CTNNA3: variants seen among roughly 807,000 people sequenced by gnomAD.
CTNNA3 encodes catenin alpha-3.
Under a neutral mutation model 95.7 loss-of-function variants are expected in CTNNA3, and 76 were observed. The ratio of observed to expected loss-of-function variants is 0.79; its 90% CI spans 0.66 to 0.96. CTNNA3 has a LOEUF of 0.96. CTNNA3 is among the 40% of genes least tolerant of loss of function. The probability of loss-of-function intolerance (pLI) is 0.00; values close to 1 mark genes in which losing one functional copy is unlikely to be tolerated. For missense variants in CTNNA3, 1,191 were observed against 1,089.8 expected (o/e 1.09, Z -1.31); for synonymous variants, 431 against 374.4 (o/e 1.15, Z -1.74).
At chr10:66,146,305 T>C (rs1241358433) in intron 13 of CTNNA3, among the ~76,000 whole-genome samples, 4 of 151,994 alleles carry the variant, frequency 2.6e-5, no homozygotes, top group Admixed American at 2.0e-4. Flanking sequence ...AATACAACAG[T>C]GTAAATCTAA....
At chr10:66,946,507 C>T (rs1235238468) in intron 7 of CTNNA3, among the ~76,000 whole-genome samples, 4 of 152,094 alleles carry the variant, frequency 2.6e-5, no homozygotes, top group African/African-American at 7.2e-5. Context: ...CAGAACACAT[C>T]AGCAGTGTTT....
intron 5 of CTNNA3, among the ~76,000 whole-genome samples, chr10:67,348,997 C>A (rs1842537082): frequency 6.6e-6 from 1 of 152,042 alleles, no homozygotes; most frequent in African/African-American, 2.4e-5. Context: ...CAAATCACAA[C>A]CACAATGAGA....
At chr10:67,089,951 A>T (rs1857532761) in intron 7 of CTNNA3, among the ~76,000 whole-genome samples, 1 of 152,088 alleles carries the variant, frequency 6.6e-6, no homozygotes, top group Admixed American at 6.6e-5. Context: ...TTACATAAAG[A>T]AAAAATTCAA....
chr10:67,157,505 A>G (rs1452823611), intron 7 of CTNNA3, among the ~76,000 whole-genome samples: 1 of 152,174 alleles, frequency 6.6e-6, no homozygotes, highest in Non-Finnish European at 1.5e-5. Flanking sequence ...AAAGGAGAAC[A>G]CATATCTCTG....
At chr10:66,299,176 T>A (rs1159840980) in intron 12 of CTNNA3, among the ~76,000 whole-genome samples, 1 of 152,120 alleles carries the variant, frequency 6.6e-6, no homozygotes, top group Non-Finnish European at 1.5e-5. Flanking sequence ...ATGTCTCGTA[T>A]CTCACTAAAA....
At chr10:67,014,120 C>T (rs927684994) in intron 7 of CTNNA3, among the ~76,000 whole-genome samples, 21 of 152,134 alleles carry the variant, frequency 1.4e-4, no homozygotes, top group Non-Finnish European at 7.4e-5. Context: ...TTGTAGAAGT[C>T]GATCACTATT....
Position 67,458,875 on chromosome 10 carries a change from TG to T in CTNNA3, c.579+62966del. Among the ~76,000 whole-genome samples the T allele has an allele frequency of 4.6e-5, 7 of 150,580 alleles. No individual in the cohort carries two copies. In the East Asian group the frequency reaches 1.2e-3, roughly 25 times the overall value. The stretch of plus-strand genomic sequence containing the variant: ...ATTACAATTCAAGATGAGATTTGGG[TG>T]GGGACAAAAAGTGAAACCATATCAA... On this transcript the variant is annotated intron_variant, in intron 5 of 17. Coordinates refer to ENST00000433211, the MANE Select transcript of CTNNA3 (RefSeq NM_013266.4).
At position 67,332,104 on chromosome 10, in the gene CTNNA3, G is replaced by A. The variant is rs115705893; in HGVS notation, c.580-112234C>T. The stretch of plus-strand genomic sequence containing the variant: ...GTGATTAAGTCTAGAAAAATAAAAG[G>A]AAGAAAAGTGCATTAGTCTAATGAG... On this transcript the variant is annotated intron_variant, in intron 5 of 17. Coordinates refer to ENST00000433211, the MANE Select transcript of CTNNA3 (RefSeq NM_013266.4). Among the ~76,000 whole-genome samples, 1,225 of 152,120 alleles carry A rather than the reference G, an allele frequency of 8.1e-3. 26 individuals are homozygous for A. Among genetic ancestry groups the A allele is most frequent in the African/African-American group, 0.028 (1,159 of 41,514 alleles).
intron 7 of CTNNA3, among the ~76,000 whole-genome samples, chr10:67,071,830 T>C (rs1344863169): frequency 6.6e-6 from 1 of 152,228 alleles, no homozygotes; most frequent in African/African-American, 2.4e-5. Flanking sequence ...GAGTATTTTT[T>C]CAGTTCACTA....
intron 13 of CTNNA3, among the ~76,000 whole-genome samples, chr10:66,146,033 T>C (rs548400480): frequency 4.0e-4 from 61 of 152,278 alleles, no homozygotes; most frequent in Middle Eastern, 3.4e-3. Flanking sequence ...TTTGTGTTTT[T>C]AGTAGAGACA....
At position 67,305,412 on chromosome 10, in the gene CTNNA3, G is replaced by A. The variant is rs564411049; in HGVS notation, c.580-85542C>T. On this transcript the variant is annotated intron_variant, in intron 5 of 17. Coordinates refer to ENST00000433211, the MANE Select transcript of CTNNA3 (RefSeq NM_013266.4). ...AAAAAAGAGAGAGAGACAATGGGAG[G>A]TATTAAAGTAAAAAGTGAAAAGTGA... is the stretch of plus-strand genomic sequence containing the variant. Among the ~76,000 whole-genome samples the A allele has an allele frequency of 3.4e-3, 519 of 151,010 alleles. 1 individual carries two copies. Among genetic ancestry groups the A allele is most frequent in the Middle Eastern group, 0.031 (9 of 292 alleles).
intron 6 of CTNNA3, among the ~76,000 whole-genome samples, chr10:67,217,617 CTGCCATTTTG>C: frequency 6.6e-6 from 1 of 152,198 alleles, no homozygotes; most frequent in Non-Finnish European, 1.5e-5. Context: ...TCTCCAACCA[CTGCCATTTTG>C]TGCCTGTGGC....
intron 7 of CTNNA3, among the ~76,000 whole-genome samples, chr10:67,123,777 C>A (rs1379043343): frequency 6.6e-6 from 1 of 152,152 alleles, no homozygotes. Flanking sequence ...TCCTTGTAAT[C>A]TTGAATTAAT....
chr10:67,505,337 G>C (rs1313089021), intron 5 of CTNNA3, among the ~76,000 whole-genome samples: 2 of 152,002 alleles, frequency 1.3e-5, no homozygotes, highest in African/African-American at 2.4e-5. Flanking sequence ...ATTAAAGTTG[G>C]GAAAATGACT....
intron 13 of CTNNA3, among the ~76,000 whole-genome samples, chr10:66,240,879 T>A (rs12765154): frequency 0.22 from 33,113 of 152,004 alleles, 3,688 homozygotes; most frequent in Admixed American, 0.27. Context: ...TTTAGTATTA[T>A]ATAAAATTTG....
At chr10:66,679,841 A>AGGTG (rs1564613809) in intron 9 of CTNNA3, among the ~76,000 whole-genome samples, 1 of 151,918 alleles carries the variant, frequency 6.6e-6, no homozygotes, top group African/African-American at 2.4e-5. Context: ...CTTTCAAGCA[A>AGGTG]CAATGCAAAG....
chr10:66,324,358 C>G (rs2092227976), intron 12 of CTNNA3, among the ~76,000 whole-genome samples: 1 of 152,100 alleles, frequency 6.6e-6, no homozygotes, highest in Non-Finnish European at 1.5e-5. Context: ...TCACATTCAT[C>G]CTTCAAGTCC....
chr10:66,708,993 CCAAGTGA>C (rs1389564808), intron 9 of CTNNA3, among the ~76,000 whole-genome samples: 5 of 152,062 alleles, frequency 3.3e-5, no homozygotes, highest in Admixed American at 3.3e-4. Context: ...TATCACCTCA[CCAAGTGA>C]TATACACTAG....
intron 9 of CTNNA3, among the ~76,000 whole-genome samples, chr10:66,737,271 A>G (rs1478149163): frequency 6.6e-6 from 1 of 152,182 alleles, no homozygotes; most frequent in East Asian, 1.9e-4. Flanking sequence ...TTAATGGCCA[A>G]ACTTTTCATA....
Sources: allele counts gnomAD v4.1 joint callset (sites outside exome capture counted in the v4.1 genomes callset), GRCh38; gene constraint gnomAD v4.1.1; transcripts MANE v1.5; gene names NCBI Gene and HGNC (gene_info 2026-07-23, HGNC 2026-07-21).